ACTN4: variants seen among roughly 807,000 people sequenced by gnomAD.
The protein encoded by ACTN4 is actinin alpha 4, also known as alpha-actinin-4.
Under a neutral mutation model 114.2 loss-of-function variants are expected in ACTN4, and 18 were observed. The observed-to-expected ratio is 0.16, with a 90% CI of 0.11 to 0.23. ACTN4 has a LOEUF of 0.23. Among genes scored for constraint, ACTN4 ranks in the 10% least tolerant of loss-of-function variants. The pLI is 1.00. For synonymous variants in ACTN4, 515 were observed against 506.3 expected, an observed-to-expected ratio of 1.02 and a Z score of -0.23; for missense variants, 722 against 1,262.9, an observed-to-expected ratio of 0.57 and a Z score of 6.49.
intron 6 of ACTN4, 112 bp downstream of exon 6, chr19:38,708,307 G>A (rs997147519): frequency 1.6e-5 from 20 of 1,217,514 alleles, no homozygotes; most frequent in South Asian, 3.8e-5. Context: ...TCTGGGTTCT[G>A]CACGCAGATG....
intron 1 of ACTN4, among the ~76,000 whole-genome samples, chr19:38,667,769 G>T (rs777706577): frequency 7.9e-5 from 12 of 151,474 alleles, no homozygotes; most frequent in Non-Finnish European, 1.6e-4. Context: ...TCTCTGAGTC[G>T]CTAATCTTCC....
chr19:38,694,822 G>A lies in ACTN4; in HGVS notation c.163-5778G>A, dbSNP rs539236363. On this transcript the variant is annotated intron_variant, in intron 1 of 20. Coordinates refer to ENST00000252699, the MANE Select transcript of ACTN4 (RefSeq NM_004924.6). ...TAAGAACTAGCAATTAGCCGTTATA[G>A]CATAATTACCTTTAATATGTCATGC... is the stretch of plus-strand genomic sequence containing the variant. Among the ~76,000 whole-genome samples the A allele has an allele frequency of 3.3e-5, 5 of 152,228 alleles. No individual in the cohort carries two copies. The South Asian group carries it at 1.0e-3, about 32-fold the overall frequency.
chr19:38,655,896 G>A (rs1045597535), intron 1 of ACTN4, among the ~76,000 whole-genome samples: 4 of 152,138 alleles, frequency 2.6e-5, no homozygotes, highest in South Asian at 2.1e-4. Flanking sequence ...TAAATGCTAC[G>A]TAAATGGTTG....
chr19:38,648,343 G>A (rs1181457169), intron 1 of ACTN4: 6 of 158,654 alleles, frequency 3.8e-5, no homozygotes, highest in African/African-American at 1.4e-4. Context: ...GTGTGAGGAG[G>A]AGCTTGAGTG....
chr19:38,712,842 T>C (rs1968704385), intron 8 of ACTN4, among the ~76,000 whole-genome samples: 1 of 152,202 alleles, frequency 6.6e-6, no homozygotes, highest in Non-Finnish European at 1.5e-5. Context: ...TGCTTAGGGC[T>C]GAACTCCAGT....
intron 5 of ACTN4, among the ~76,000 whole-genome samples, chr19:38,707,178 CTG>C (rs1968489747): frequency 6.6e-6 from 1 of 152,122 alleles, no homozygotes; most frequent in South Asian, 2.1e-4. Flanking sequence ...TCACTCTTCT[CTG>C]TGTGTCTTCT....
chr19:38,702,291 T>C (rs1271641017), intron 3 of ACTN4, among the ~76,000 whole-genome samples: 1 of 152,252 alleles, frequency 6.6e-6, no homozygotes, highest in Non-Finnish European at 1.5e-5. Flanking sequence ...CCTGTGACTG[T>C]GGGGCCTTGG....
intron 8 of ACTN4, among the ~76,000 whole-genome samples, chr19:38,712,116 C>G (rs2145040341): frequency 6.6e-6 from 1 of 152,360 alleles, no homozygotes; most frequent in South Asian, 2.1e-4. Flanking sequence ...GCTAGGCACC[C>G]TCCAAGGCCT....
intron 1 of ACTN4, among the ~76,000 whole-genome samples, chr19:38,663,994 C>A (rs1019151581): frequency 2.6e-5 from 4 of 152,242 alleles, no homozygotes; most frequent in African/African-American, 9.6e-5. Flanking sequence ...AGCCCTGTGT[C>A]TCAGCCCCTC....
chr19:38,672,570 G>C (rs1442820601), intron 1 of ACTN4, among the ~76,000 whole-genome samples: 1 of 151,180 alleles, frequency 6.6e-6, no homozygotes, highest in Admixed American at 6.6e-5. Context: ...TATGTTCTTT[G>C]TTTGTTTGTT....
chr19:38,717,450 G>A lies in ACTN4; in HGVS notation c.1143+134G>A. ...TGGGACATGGCATGGCCTTTCGGAT[G>A]CAGTGGTCGGGGAGGGGTGCACTTC... is the stretch of plus-strand genomic sequence containing the variant. On this transcript the variant is annotated intron_variant, in intron 10 of 20. Transcript: ENST00000252699. This position sits in a 1 kb window ranked among gnomAD's most constrained non-coding sequence, Gnocchi z 4.0. The A allele has an allele frequency of 1.6e-6, 2 of 1,242,154 alleles. No individual in the cohort carries two copies. Among genetic ancestry groups the A allele is most frequent in the South Asian group, 1.3e-5 (1 of 75,202 alleles). 76.9% of individuals were successfully genotyped at this position (1,242,154 alleles called of 1,614,324 possible).
rs547981430 is a variant in ACTN4, at chr19:38,729,548, G to C, written c.*116G>C. On this transcript the variant is annotated 3_prime_UTR_variant, in exon 21 of 21. Transcript: ENST00000252699. ...AAAGCACTCTCTGCAGTCCTCCGGG[G>C]TGGGTGGGTGGGCAGGGAGGGGCTG... is the stretch of plus-strand genomic sequence containing the variant. 8 of 440,814 alleles carry C rather than the reference G, an allele frequency of 1.8e-5. No individual in the cohort carries two copies. Among genetic ancestry groups the C allele is most frequent in the Non-Finnish European group, 2.7e-5 (6 of 221,508 alleles). 27.3% of individuals were successfully genotyped at this position (440,814 alleles called of 1,614,324 possible). A position where few individuals can be genotyped will look rare whatever the true frequency, so the allele number is the denominator to read the frequency against.
chr19:38,729,312 C>A lies in ACTN4; in HGVS notation c.2616C>A (p.Pro872=). Residue 872 remains proline (P), a synonymous_variant, in exon 21 of 21, where the codon CCC becomes CCA. Coordinates refer to ENST00000252699, the MANE Select transcript of ACTN4 (RefSeq NM_004924.6). The part of the protein sequence containing the change: ...ITAEELRREL[P]PDQAEYCIAR... ...CTGAGGAGCTGCGGAGAGAGCTGCC[C>A]CCCGACCAGGCCGAGTACTGCATCG... is the stretch of plus-strand genomic sequence containing the variant. 1 of 1,612,892 alleles carries A rather than the reference C, an allele frequency of 6.2e-7. No individual in the cohort carries two copies. The highest frequency in any genetic ancestry group is 1.1e-5 in the South Asian group (1 of 91,090).
intron 1 of ACTN4, among the ~76,000 whole-genome samples, chr19:38,665,060 A>G (rs1057264880): frequency 1.3e-5 from 2 of 152,114 alleles, no homozygotes; most frequent in African/African-American, 4.8e-5. Context: ...GATTCGCAGT[A>G]CCACAGGCTG....
intron 19 of ACTN4, chr19:38,728,399 C>T (rs1484958238): frequency 2.2e-5 from 30 of 1,366,376 alleles, no homozygotes; most frequent in Non-Finnish European, 2.6e-5. Flanking sequence ...GCTCTGTCTC[C>T]CCAGCCACCC....
At chr19:38,662,085 C>A (rs1976904836) in intron 1 of ACTN4, among the ~76,000 whole-genome samples, 1 of 152,178 alleles carries the variant, frequency 6.6e-6, no homozygotes, top group South Asian at 2.1e-4. Context: ...GAGAAAGAGA[C>A]AGGCATACAG....
rs761682086 is a variant in ACTN4, at chr19:38,710,306, G to A, written c.783G>A (p.Val261=). The A allele has an allele frequency of 2.2e-5, 36 of 1,614,084 alleles. No individual in the cohort carries two copies. Among genetic ancestry groups the A allele is most frequent in the East Asian group, 6.7e-5 (3 of 44,888 alleles). Residue 261 remains valine, a synonymous_variant, in exon 8 of 21, where the codon GTG becomes GTA. Coordinates refer to ENST00000252699, the MANE Select transcript of ACTN4 (RefSeq NM_004924.6). ...ACGAGAAGGCCATAATGACCTATGT[G>A]TCCAGCTTCTACCATGCCTTTTCAG... ...RPDEKAIMTY[V]SSFYHAFSGA... is the part of the protein sequence containing the mutation.
intron 1 of ACTN4, among the ~76,000 whole-genome samples, chr19:38,671,855 C>T (rs982419636): frequency 6.6e-6 from 1 of 152,248 alleles, no homozygotes; most frequent in African/African-American, 2.4e-5. Context: ...TCTGTTACCT[C>T]TGCACTGGCT....
Position 38,724,651 on chromosome 19 carries a change from C to T in ACTN4, c.2010+86C>T. 6.3e-7 allele frequency: 1 copy of T among 1,595,598 alleles called. No individual in the cohort carries two copies. The highest frequency in any genetic ancestry group is 8.5e-7 in the Non-Finnish European group (1 of 1,172,774). On this transcript the variant is annotated intron_variant, in intron 16 of 20. Transcript: ENST00000252699. This position sits in a 1 kb window ranked among gnomAD's most constrained non-coding sequence, Gnocchi z 7.0. Reference sequence around the variant, plus strand: ...GGGTCCCCGGCCAGCCCAGGGCCTGCAGACTGAGGCGCCTGGCAGAGCAGG... The same window carrying T: ...GGGTCCCCGGCCAGCCCAGGGCCTGTAGACTGAGGCGCCTGGCAGAGCAGG...
Sources: allele counts gnomAD v4.1 joint callset (sites outside exome capture counted in the v4.1 genomes callset), GRCh38; gene constraint gnomAD v4.1.1; non-coding constraint Gnocchi (gnomAD v3.1); transcripts MANE v1.5; gene names NCBI Gene and HGNC (gene_info 2026-07-23, HGNC 2026-07-21).